Variants in WDR7 observed in about 807,000 individuals in gnomAD.
WDR7 encodes the protein WD repeat-containing protein 7.
In WDR7, 46 loss-of-function variants were observed where a neutral mutation model predicts 169.4. The observed-to-expected ratio is 0.27, with a 90% confidence interval of 0.21 to 0.35. The LOEUF is 0.35. WDR7 is among the 10% of genes least tolerant of loss of function. WDR7 has a pLI of 1.00. For missense variants in WDR7, 1,534 were observed against 1,859.3 expected, an observed-to-expected ratio of 0.83 and a Z score of 3.22; for synonymous variants, 612 against 666.8, an observed-to-expected ratio of 0.92 and a Z score of 1.27.
At chr18:56,689,658 A>G (rs2025523018) in intron 7 of WDR7, among the ~76,000 whole-genome samples, 1 of 150,978 alleles carries the variant, frequency 6.6e-6, no homozygotes, top group African/African-American at 2.4e-5. Context: ...TGTCAGATGG[A>G]CCCCCCCAGT....
chr18:56,779,865 C>T (rs2044292046), intron 18 of WDR7, among the ~76,000 whole-genome samples: 1 of 152,104 alleles, frequency 6.6e-6, no homozygotes, highest in African/African-American at 2.4e-5. Context: ...ATACATAAAC[C>T]TGCTTCCCCC....
chr18:56,933,349 C>A (rs1160385046), intron 22 of WDR7, among the ~76,000 whole-genome samples: 1 of 152,158 alleles, frequency 6.6e-6, no homozygotes, highest in Non-Finnish European at 1.5e-5. Flanking sequence ...CAATCCCACA[C>A]CTGTGAAGTT....
chr18:56,713,030 T>C (rs540494122), intron 12 of WDR7, among the ~76,000 whole-genome samples: 48 of 152,260 alleles, frequency 3.2e-4, no homozygotes, highest in African/African-American at 1.1e-3. Flanking sequence ...CCACTTAAAA[T>C]GTGCTTGCTT....
At chr18:56,758,599 A>G (rs2043934286) in intron 15 of WDR7, among the ~76,000 whole-genome samples, 1 of 152,208 alleles carries the variant, frequency 6.6e-6, no homozygotes, top group East Asian at 1.9e-4. Flanking sequence ...CAAAGGGTTA[A>G]GTATGATGTT....
chr18:56,675,769 C>G (rs1047388292), intron 2 of WDR7, among the ~76,000 whole-genome samples: 1 of 152,042 alleles, frequency 6.6e-6, no homozygotes, highest in Admixed American at 6.6e-5. Flanking sequence ...AGTGGACATC[C>G]TATTTTCGTT....
chr18:56,789,564 T>C (rs1208974920), intron 19 of WDR7, among the ~76,000 whole-genome samples: 1 of 152,234 alleles, frequency 6.6e-6, no homozygotes, highest in African/African-American at 2.4e-5. Flanking sequence ...ATGTCCCTTG[T>C]ATAGCAGTGA....
chr18:56,891,400 C>G (rs571834449), intron 21 of WDR7, among the ~76,000 whole-genome samples: 1 of 152,048 alleles, frequency 6.6e-6, no homozygotes, highest in East Asian at 1.9e-4. Context: ...AACAGTAGCT[C>G]CTACCTCACA....
chr18:56,666,893 A>T (rs1481147689), intron 1 of WDR7, among the ~76,000 whole-genome samples: 10 of 143,734 alleles, frequency 7.0e-5, no homozygotes, highest in Non-Finnish European at 1.1e-4. Context: ...AAACCAGGCT[A>T]TTTTTTTTTT....
At chr18:56,996,197 C>T (rs2047896859) in intron 26 of WDR7, among the ~76,000 whole-genome samples, 1 of 152,118 alleles carries the variant, frequency 6.6e-6, no homozygotes, top group East Asian at 1.9e-4. Context: ...TCTGTTTCTG[C>T]TCCTAAATTG....
chr18:57,007,630 ATTAAT>A (rs935166518), intron 26 of WDR7, among the ~76,000 whole-genome samples: 138 of 152,292 alleles, frequency 9.1e-4, no homozygotes, highest in African/African-American at 3.2e-3. Flanking sequence ...TATTAACTAC[ATTAAT>A]TTATCACAAA....
chr18:56,997,034 C>G (rs2047908328), intron 26 of WDR7, among the ~76,000 whole-genome samples: 1 of 152,112 alleles, frequency 6.6e-6, no homozygotes, highest in Non-Finnish European at 1.5e-5. Flanking sequence ...GAAACAGTAT[C>G]ATATGAATTT....
At chr18:56,686,766 T>G (rs1212976366) in intron 6 of WDR7, 89 bp from the exon 7 acceptor site, 1 of 1,140,690 alleles carries the variant, frequency 8.8e-7, no homozygotes, top group Non-Finnish European at 1.3e-6. Context: ...AAGCGATGCC[T>G]TTATTTAATT....
At chr18:56,947,256 A>T (rs2047117086) in intron 25 of WDR7, among the ~76,000 whole-genome samples, 1 of 152,244 alleles carries the variant, frequency 6.6e-6, no homozygotes, top group Admixed American at 6.5e-5. Flanking sequence ...AAATGAGCAG[A>T]ATAGGAAGCA....
At chr18:56,698,025 C>G (rs1370009733) in intron 12 of WDR7, among the ~76,000 whole-genome samples, 1 of 151,888 alleles carries the variant, frequency 6.6e-6, no homozygotes, top group East Asian at 1.9e-4. Flanking sequence ...GAAACCCCTT[C>G]TCTACTAAAA....
At position 56,664,937 on chromosome 18, in the gene WDR7, TGTTAAA is replaced by T. The variant is rs1450807407; in HGVS notation, c.-19-7553_-19-7548del. On this transcript the variant is annotated intron_variant, in intron 1 of 27. Coordinates refer to ENST00000254442, the MANE Select transcript of WDR7 (RefSeq NM_015285.3). Reference sequence around the variant, plus strand: ...ATATTATAGGCTAAAGATAAATACTTGTTAAAGTTAAATGTATGTTCAGAACGCCAT... The same window carrying T: ...ATATTATAGGCTAAAGATAAATACTTGTTAAATGTATGTTCAGAACGCCAT... 3.3e-5 allele frequency among the ~76,000 whole-genome samples: 5 copies of T among 152,296 alleles called. No individual in the cohort carries two copies. In the South Asian group the frequency reaches 8.3e-4, roughly 25 times the overall value.
At chr18:56,789,263 C>T (rs1204972812) in intron 19 of WDR7, among the ~76,000 whole-genome samples, 1 of 152,194 alleles carries the variant, frequency 6.6e-6, no homozygotes, top group Non-Finnish European at 1.5e-5. Context: ...TTTAATAAGT[C>T]TTGAACATTA....
chr18:56,911,029 A>T (rs942505491), intron 21 of WDR7, among the ~76,000 whole-genome samples: 8 of 152,188 alleles, frequency 5.3e-5, no homozygotes, highest in Non-Finnish European at 1.0e-4. Flanking sequence ...GCAGATTTTC[A>T]TAGAGCTTTG....
chr18:56,952,718 C>T (rs1169631386), intron 25 of WDR7, among the ~76,000 whole-genome samples: 1 of 152,148 alleles, frequency 6.6e-6, no homozygotes, highest in Non-Finnish European at 1.5e-5. Flanking sequence ...AAGCATATTA[C>T]CTCTCTTACA....
chr18:56,996,339 T>C (rs3760599), intron 26 of WDR7, among the ~76,000 whole-genome samples: 34,620 of 152,146 alleles, frequency 0.23, 4,612 homozygotes, highest in Non-Finnish European at 0.3. Context: ...CATATAATTA[T>C]AGAGAGAAGA....
Sources: gnomAD v4.1 joint callset for allele counts (sites outside exome capture counted in the v4.1 genomes callset) on GRCh38, gnomAD v4.1.1 for gene constraint, MANE v1.5 for transcripts, NCBI Gene and HGNC (gene_info 2026-07-23, HGNC 2026-07-21) for gene names.